The following CDC42BPA variants were observed in gnomAD, a reference collection of about 807,000 sequenced individuals.
The protein encoded by CDC42BPA is CDC42 binding protein kinase alpha, also known as serine/threonine-protein kinase MRCK alpha.
Under a neutral mutation model 223.5 loss-of-function variants are expected in CDC42BPA, and 80 were observed. The observed-to-expected ratio is 0.36, with a 90% CI of 0.30 to 0.43. The LOEUF is 0.43. Ranked by LOEUF, CDC42BPA falls within the 20% of genes least tolerant of loss-of-function variation. The pLI, the probability that CDC42BPA is intolerant of heterozygous loss-of-function variation, is 1.00. For missense variants in CDC42BPA, 1,743 were observed against 2,099.9 expected (o/e 0.83, Z 3.32); for synonymous variants, 694 against 718.6 (o/e 0.97, Z 0.55).
chr1:227,157,450 G>C (rs1202241973), intron 6 of CDC42BPA, among the ~76,000 whole-genome samples: 1 of 152,052 alleles, frequency 6.6e-6, no homozygotes, highest in Admixed American at 6.5e-5. Context: ...CTCATGACAG[G>C]TCAGTAGTCC....
intron 10 of CDC42BPA, among the ~76,000 whole-genome samples, chr1:227,133,048 G>C (rs1368484947): frequency 6.6e-6 from 1 of 150,662 alleles, no homozygotes; most frequent in East Asian, 2.0e-4. Context: ...GTGGGGGTCA[G>C]CCCCCACCAG....
rs1029417511 is a variant in CDC42BPA, at chr1:227,042,742, G to A, written c.3094-2506C>T. Among the ~76,000 whole-genome samples the A allele has an allele frequency of 3.3e-5, 5 of 151,780 alleles. No homozygotes were observed. The South Asian group carries it at 1.0e-3, about 32-fold the overall frequency. On this transcript the variant is annotated intron_variant, in intron 23 of 36. Transcript: ENST00000366766. ...CTAATACTTCCCTTTGTGGACAGCT[G>A]GAAGAAGAGAAAAAAATGAAAAGAA... is the stretch of plus-strand genomic sequence containing the variant.
intron 2 of CDC42BPA, among the ~76,000 whole-genome samples, chr1:227,237,330 C>CTTT (rs1276994535): frequency 6.6e-6 from 1 of 152,166 alleles, no homozygotes; most frequent in African/African-American, 2.4e-5. Context: ...AAGGCTCCCA[C>CTTT]TTATAAGTGT....
rs77065266 is a variant in CDC42BPA, at chr1:227,089,402, T to C, written c.2355+2484A>G. Among the ~76,000 whole-genome samples, 1,130 of 152,200 alleles carry C rather than the reference T, an allele frequency of 7.4e-3. 11 individuals carry two copies. The highest frequency in any genetic ancestry group is 9.4e-3 in the Non-Finnish European group (642 of 68,006). Reference sequence around the variant, plus strand: ...ACAGACAGAATTAAAAAGGGAAAGGTAGACTGAGAATTAGGAAGAGAGAGA... The same window carrying C: ...ACAGACAGAATTAAAAAGGGAAAGGCAGACTGAGAATTAGGAAGAGAGAGA... On this transcript the variant is annotated intron_variant, in intron 16 of 36. Coordinates refer to ENST00000366766, the MANE Select transcript of CDC42BPA (RefSeq NM_001394014.1).
intron 12 of CDC42BPA, among the ~76,000 whole-genome samples, chr1:227,115,946 A>T: frequency 6.6e-6 from 1 of 151,966 alleles, no homozygotes; most frequent in East Asian, 1.9e-4. Flanking sequence ...AATCAGTTCC[A>T]GTGATATATA....
At chr1:227,069,961 T>C (rs1021673050) in intron 20 of CDC42BPA, 108 bp from the exon 21 acceptor site, 1 of 645,482 alleles carries the variant, frequency 1.5e-6, no homozygotes, top group Non-Finnish European at 2.7e-6. Context: ...ACTACTGTAT[T>C]TCAAAGTTGA....
intron 1 of CDC42BPA, among the ~76,000 whole-genome samples, chr1:227,255,931 A>T (rs1682964480): frequency 6.6e-6 from 1 of 152,188 alleles, no homozygotes; most frequent in Admixed American, 6.5e-5. Flanking sequence ...CAATGGCATT[A>T]CAGAAATAGA....
chr1:227,093,856 C>G (rs501772), intron 15 of CDC42BPA, among the ~76,000 whole-genome samples: 10,531 of 152,232 alleles, frequency 0.069, 556 homozygotes, highest in East Asian at 0.25. Context: ...AAAGACAGTG[C>G]TGAGAACTCT....
chr1:227,059,345 G>A (rs774663099), intron 21 of CDC42BPA: 1 of 1,552,252 alleles, frequency 6.4e-7, no homozygotes, highest in South Asian at 1.2e-5. Context: ...GCCTCAGGAT[G>A]GGTACATAAA....
intron 1 of CDC42BPA, among the ~76,000 whole-genome samples, chr1:227,271,116 T>C (rs1456699474): frequency 1.3e-5 from 2 of 152,188 alleles, no homozygotes; most frequent in East Asian, 1.9e-4. Flanking sequence ...AATAAGAATA[T>C]ATAATACTTA....
intron 12 of CDC42BPA, among the ~76,000 whole-genome samples, chr1:227,119,164 T>C (rs754097863): frequency 6.6e-6 from 1 of 152,136 alleles, no homozygotes; most frequent in Non-Finnish European, 1.5e-5. Flanking sequence ...CCAACATTTT[T>C]CTATTTGTTA....
At chr1:227,283,992 G>A (rs1688416765) in intron 1 of CDC42BPA, among the ~76,000 whole-genome samples, 1 of 152,156 alleles carries the variant, frequency 6.6e-6, no homozygotes, top group South Asian at 2.1e-4. Context: ...AAGAGGTGGA[G>A]TGGGCTGCAG....
chr1:227,307,492 C>G (rs1031758984), intron 1 of CDC42BPA, among the ~76,000 whole-genome samples: 1 of 151,724 alleles, frequency 6.6e-6, no homozygotes, highest in Non-Finnish European at 1.5e-5. Context: ...TGTTAAATTA[C>G]TCAGGCAAAT....
intron 10 of CDC42BPA, among the ~76,000 whole-genome samples, chr1:227,135,230 T>C (rs1330182330): frequency 6.6e-6 from 1 of 152,208 alleles, no homozygotes; most frequent in Non-Finnish European, 1.5e-5. Context: ...TCCCTAAGCA[T>C]ATGGTGCTTT....
At chr1:227,283,581 A>G (rs1242867914) in intron 1 of CDC42BPA, among the ~76,000 whole-genome samples, 2 of 152,180 alleles carry the variant, frequency 1.3e-5, no homozygotes, top group Non-Finnish European at 2.9e-5. Context: ...AAGGGTACAT[A>G]TGGAGATAAA....
Position 227,101,035 on chromosome 1 carries a change from T to C in CDC42BPA, c.2206A>G (p.Ile736Val). The C allele has an allele frequency of 6.5e-7, 1 of 1,548,892 alleles. No homozygotes were observed. Reference protein sequence around the residue: ...EGQQLALNKEIMILKDKLEKT... With the variant: ...EGQQLALNKEVMILKDKLEKT... ...TCCAATTTGTCTTTTAAAATCATAA[T>C]TTCTTTGTTGAGAGCAAGTTGCTGA... Residue 736 changes from isoleucine (I) to valine (V), a missense_variant, in exon 15 of 37, where the codon ATT becomes GTT. Around this residue, in one of 6 missense-constraint regions of CDC42BPA, gnomAD observed 464 missense variants for 488.0 expected, o/e 0.95. Transcript: ENST00000366766.
At chr1:227,299,038 T>C (rs1035723894) in intron 1 of CDC42BPA, among the ~76,000 whole-genome samples, 1 of 152,152 alleles carries the variant, frequency 6.6e-6, no homozygotes, top group Non-Finnish European at 1.5e-5. Flanking sequence ...AGTCATTCTA[T>C]GAAAGAAGAG....
In CDC42BPA at chr1:227,052,231, T is replaced by G. The variant is rs150438734; in HGVS notation, c.2905-246A>C. Among the ~76,000 whole-genome samples the G allele has an allele frequency of 3.9e-5, 6 of 152,358 alleles. No homozygotes were observed. The East Asian group carries it at 1.2e-3, about 29-fold the overall frequency. ...TCCTCCCTGATCTTCACTGTTGATC[T>G]GTTACTTTGAGCCCTGGTCCTACTG... On this transcript the variant is annotated intron_variant, in intron 21 of 36. Transcript: ENST00000366766.
rs778538015 is a variant in CDC42BPA, at chr1:227,040,194, TAGG to T, written c.3133_3135del (p.Pro1045del). ...AAGGAGGTACACTGATGACACTTGG[TAGG>T]AGTAGTAAAAGATTTTACAAAAAAC... On this transcript the variant is annotated inframe_deletion, in exon 24 of 37. Coordinates refer to ENST00000366766, the MANE Select transcript of CDC42BPA (RefSeq NM_001394014.1). 1 of 1,613,262 alleles carries T rather than the reference TAGG, an allele frequency of 6.2e-7. No individual in the cohort carries two copies.
Sources: allele counts gnomAD v4.1 joint callset (sites outside exome capture counted in the v4.1 genomes callset), GRCh38; gene constraint gnomAD v4.1.1; regional missense constraint gnomAD v4.1.1; transcripts MANE v1.5; gene names NCBI Gene and HGNC (gene_info 2026-07-23, HGNC 2026-07-21).